The following SUPT20H variants were observed in gnomAD, a reference collection of about 807,000 sequenced individuals.
The protein encoded by SUPT20H is transcription factor SPT20 homolog.
SUPT20H carries 82 observed loss-of-function variants against 122.8 expected under a neutral mutation model. The observed-to-expected ratio is 0.67, with a 90% CI of 0.56 to 0.80. The LOEUF (loss-of-function observed/expected upper bound fraction) is 0.80. Among genes scored for constraint, SUPT20H ranks in the 30% least tolerant of loss-of-function variants. The probability of loss-of-function intolerance (pLI) is 0.00; values close to 1 mark genes in which losing one functional copy is unlikely to be tolerated. For missense variants in SUPT20H, 831 were observed against 921.6 expected (o/e 0.90, Z 1.27); for synonymous variants, 291 against 313.0 (o/e 0.93, Z 0.74).
chr13:37,025,953 A>G (rs939037457), intron 16 of SUPT20H: 3 of 350,252 alleles, frequency 8.6e-6, no homozygotes, highest in African/African-American at 6.3e-5. Context: ...CATTCTTAGT[A>G]GTTTGGTGTA....
At position 37,022,084 on chromosome 13, in the gene SUPT20H, G is replaced by A. The variant is rs1390285219; in HGVS notation, c.1592-4C>T. On this transcript the variant is annotated splice_region_variant and splice_polypyrimidine_tract_variant and intron_variant, in intron 19 of 25. Coordinates refer to ENST00000350612, the MANE Select transcript of SUPT20H (RefSeq NM_001014286.3). This position sits in a 1 kb window ranked among gnomAD's most constrained non-coding sequence, Gnocchi z 4.5. Reference sequence around the variant, plus strand: ...ATGACCTGGGTGGCCGTGGTTCCTGGAGTTATAGATGTTACCATGGTGGAA... The same window carrying A: ...ATGACCTGGGTGGCCGTGGTTCCTGAAGTTATAGATGTTACCATGGTGGAA... The A allele has an allele frequency of 2.5e-6, 4 of 1,614,082 alleles. No homozygotes were observed. The highest frequency in any genetic ancestry group is 1.7e-5 in the Admixed American group (1 of 60,018).
rs561902572 is a variant in SUPT20H at position 37,049,714 on chromosome 13, G to A, written c.4-1115C>T. ...AGATCGTGCTATTGTACTACAGTCTGGGCAAAAAGGGCAAAACTCCATCTC... is the reference window on the plus strand; with the variant it reads ...AGATCGTGCTATTGTACTACAGTCTAGGCAAAAAGGGCAAAACTCCATCTC... On this transcript the variant is annotated intron_variant, in intron 2 of 25. Transcript: ENST00000350612. 2.6e-5 allele frequency among the ~76,000 whole-genome samples: 4 copies of A among 152,016 alleles called. No homozygotes were observed. In the South Asian group the frequency reaches 8.3e-4, roughly 32 times the overall value.
chr13:37,020,183 G>A (rs2061263894), intron 21 of SUPT20H, among the ~76,000 whole-genome samples: 1 of 151,936 alleles, frequency 6.6e-6, no homozygotes, highest in Non-Finnish European at 1.5e-5. Context: ...ATTTAAAAAT[G>A]TATCTAGTTC....
At chr13:37,044,627 T>C (rs555596341) in intron 6 of SUPT20H, among the ~76,000 whole-genome samples, 2 of 152,234 alleles carry the variant, frequency 1.3e-5, no homozygotes, top group Non-Finnish European at 2.9e-5. Flanking sequence ...TCCAGCTATG[T>C]GAGTTCCTTG....
intron 17 of SUPT20H, chr13:37,025,049 C>G: frequency 2.8e-6 from 1 of 354,384 alleles, no homozygotes. Context: ...TCAAGAGATT[C>G]TCCTGTCTCA....
chr13:37,059,642 T>G lies in SUPT20H; in HGVS notation c.-177A>C, dbSNP rs1047064972. ...CCCACCCGCCCCGTCGGCGGCTCAG[T>G]GCTGCACCCCCACCAACAGCCAGTT... On this transcript the variant is annotated 5_prime_UTR_variant, in exon 1 of 26. Coordinates refer to ENST00000350612, the MANE Select transcript of SUPT20H (RefSeq NM_001014286.3). The G allele has an allele frequency of 6.6e-6, 1 of 152,446 alleles. No individual in the cohort carries two copies. The highest frequency in any genetic ancestry group is 2.4e-5 in the African/African-American group (1 of 41,478). 9.4% of individuals were successfully genotyped at this position (152,446 alleles called of 1,614,324 possible). A position where few individuals can be genotyped will look rare whatever the true frequency, so the allele number is the denominator to read the frequency against.
intron 17 of SUPT20H, 97 bp downstream of exon 17, chr13:37,025,223 T>C (rs2062047843): frequency 9.5e-7 from 1 of 1,053,758 alleles, no homozygotes; most frequent in South Asian, 1.3e-5. Context: ...ATTACAGGCA[T>C]GAGCCACTGT....
intron 7 of SUPT20H, among the ~76,000 whole-genome samples, chr13:37,042,601 T>A (rs2065690572): frequency 6.6e-6 from 1 of 152,206 alleles, no homozygotes; most frequent in African/African-American, 2.4e-5. Context: ...TTATATCCAC[T>A]GATCTTTGCT....
chr13:37,024,598 T>C (rs1023605246), intron 17 of SUPT20H, 156 bp from the exon 18 acceptor site: 2 of 452,930 alleles, frequency 4.4e-6, no homozygotes, highest in African/African-American at 4.1e-5. Context: ...TGGTTACAGA[T>C]TGAATACTAT....
At chr13:37,043,122 A>T (rs1362541482) in intron 7 of SUPT20H, among the ~76,000 whole-genome samples, 1 of 152,196 alleles carries the variant, frequency 6.6e-6, no homozygotes, top group Non-Finnish European at 1.5e-5. Context: ...GAAATAGAAA[A>T]AAAGAGAGGT....
In SUPT20H at chr13:37,059,458, C is replaced by G. The variant is rs1273475336; in HGVS notation, c.-94+101G>C. The G allele has an allele frequency of 5.9e-5, 9 of 152,446 alleles. No individual in the cohort carries two copies. The East Asian group carries it at 1.5e-3, about 26-fold the overall frequency. 9.4% of individuals were successfully genotyped at this position (152,446 alleles called of 1,614,324 possible). A position where few individuals can be genotyped will look rare whatever the true frequency, so the allele number is the denominator to read the frequency against. The stretch of plus-strand genomic sequence containing the variant: ...GGGGACCCCGTCTTCCTCCAGCGGG[C>G]TCTGGGATGCGGCCCGCTCACCTCT... On this transcript the variant is annotated intron_variant, in intron 1 of 25. Coordinates refer to ENST00000350612, the MANE Select transcript of SUPT20H (RefSeq NM_001014286.3).
chr13:37,055,475 C>T (rs1023264452), intron 1 of SUPT20H, among the ~76,000 whole-genome samples: 1 of 152,118 alleles, frequency 6.6e-6, no homozygotes, highest in Non-Finnish European at 1.5e-5. Context: ...TATCTACAAC[C>T]ATCTGATCTT....
chr13:37,051,362 T>G, intron 2 of SUPT20H, 126 bp downstream of exon 2: 1 of 910,132 alleles, frequency 1.1e-6, no homozygotes, highest in South Asian at 2.0e-5. Context: ...CTAAGTAATT[T>G]CCCAGTTGGG....
intron 7 of SUPT20H, 94 bp downstream of exon 7, chr13:37,043,984 T>C: frequency 1.5e-6 from 1 of 670,816 alleles, no homozygotes; most frequent in Non-Finnish European, 2.4e-6. Context: ...TAGTCGTTTA[T>C]ATACATATAT....
chr13:37,039,473 T>C (rs572069195), intron 9 of SUPT20H: 1 of 152,324 alleles, frequency 6.6e-6, no homozygotes, highest in East Asian at 1.9e-4. Context: ...GCTTGTTGAC[T>C]TTCTGAAGGA....
chr13:37,021,670 A>G, intron 20 of SUPT20H, 68 bp from the exon 21 acceptor site: 1 of 1,486,938 alleles, frequency 6.7e-7, no homozygotes. Flanking sequence ...ACAATTCCTC[A>G]GATTAAAAAA....
intron 7 of SUPT20H, among the ~76,000 whole-genome samples, chr13:37,042,476 TTA>T (rs1469142316): frequency 2.6e-5 from 4 of 151,996 alleles, no homozygotes; most frequent in Non-Finnish European, 4.4e-5. Context: ...ACACACATGT[TTA>T]TGGATGGAAC....
At chr13:37,054,180 A>G (rs1874678463) in intron 1 of SUPT20H, among the ~76,000 whole-genome samples, 1 of 152,190 alleles carries the variant, frequency 6.6e-6, no homozygotes. Context: ...GCCGAATTCT[A>G]CCAGAGGTAC....
chr13:37,033,864 C>T (rs1481884989), intron 9 of SUPT20H, among the ~76,000 whole-genome samples: 1 of 152,182 alleles, frequency 6.6e-6, no homozygotes, highest in Non-Finnish European at 1.5e-5. Flanking sequence ...CAATTTTGCA[C>T]TAAGCAAGGC....
Sources: allele counts gnomAD v4.1 joint callset (sites outside exome capture counted in the v4.1 genomes callset), GRCh38; gene constraint gnomAD v4.1.1; non-coding constraint Gnocchi (gnomAD v3.1); transcripts MANE v1.5; gene names NCBI Gene and HGNC (gene_info 2026-07-23, HGNC 2026-07-21).